The following VPS8 variants were observed in gnomAD, a reference collection of about 807,000 sequenced individuals.
VPS8 encodes VPS8 subunit of CORVET complex.
VPS8 carries 129 observed loss-of-function variants against 216.4 expected under a neutral mutation model. That is an observed-to-expected ratio of 0.60 (90% CI 0.52 to 0.69). The LOEUF (loss-of-function observed/expected upper bound fraction) is 0.69, where lower values mean the gene tolerates loss of function less well. VPS8 is among the 30% of genes least tolerant of loss of function. The pLI, the probability that VPS8 is intolerant of heterozygous loss-of-function variation, is 0.00. For synonymous variants in VPS8, 571 were observed against 565.4 expected, an observed-to-expected ratio of 1.01 and a Z score of -0.14; for missense variants, 1,531 against 1,683.5, an observed-to-expected ratio of 0.91 and a Z score of 1.59.
At chr3:184,921,872 G>A (rs1432514435) in intron 29 of VPS8, among the ~76,000 whole-genome samples, 2 of 152,038 alleles carry the variant, frequency 1.3e-5, no homozygotes, top group African/African-American at 2.4e-5. Flanking sequence ...GCCCTGAGAA[G>A]TTCTGTTTCT....
intron 3 of VPS8, among the ~76,000 whole-genome samples, chr3:184,827,839 ATC>A (rs1016106228): frequency 3.9e-5 from 6 of 152,188 alleles, no homozygotes; most frequent in African/African-American, 1.4e-4. Context: ...CAATATGACT[ATC>A]TCTGTGCTTG....
At chr3:184,848,344 A>T (rs1382691314) in intron 8 of VPS8, among the ~76,000 whole-genome samples, 2 of 152,148 alleles carry the variant, frequency 1.3e-5, no homozygotes, top group African/African-American at 4.8e-5. Context: ...ATTTCAGCCA[A>T]ATTCTAAATT....
intron 45 of VPS8, among the ~76,000 whole-genome samples, chr3:185,005,897 C>G (rs1310515304): frequency 6.6e-6 from 1 of 152,034 alleles, no homozygotes; most frequent in Non-Finnish European, 1.5e-5. Flanking sequence ...ATTTCTTTCT[C>G]TTGTCTGATT....
chr3:184,863,398 A>T (rs1726735735), intron 16 of VPS8, among the ~76,000 whole-genome samples: 1 of 152,232 alleles, frequency 6.6e-6, no homozygotes, highest in Non-Finnish European at 1.5e-5. Context: ...AGAAAGCTTA[A>T]TTTGGCAGTA....
chr3:184,915,478 A>C lies in VPS8; in HGVS notation c.2382+4A>C. 6.2e-7 allele frequency: 1 copy of C among 1,612,850 alleles called. No homozygotes were observed. Among genetic ancestry groups the C allele is most frequent in the South Asian group, 1.1e-5 (1 of 90,996 alleles). On this transcript the variant is annotated splice_donor_region_variant and intron_variant, in intron 28 of 47. Coordinates refer to ENST00000625842, the MANE Select transcript of VPS8 (RefSeq NM_001009921.3). ...ATTTCTAAATGTATTGGCACTGGTA[A>C]GAGACAGTATTATTTTAAGGTGTTT...
chr3:184,866,768 TA>T, intron 16 of VPS8, 107 bp from the exon 17 acceptor site: 5 of 1,011,376 alleles, frequency 4.9e-6, no homozygotes, highest in Non-Finnish European at 2.9e-6. Flanking sequence ...CTATAATCAC[TA>T]AAAAAGACGT....
intron 22 of VPS8, chr3:184,893,409 A>C: frequency 9.8e-7 from 1 of 1,025,298 alleles, no homozygotes; most frequent in Non-Finnish European, 1.2e-6. Flanking sequence ...AATAATCTCA[A>C]CAGGTAAATA....
chr3:184,949,711 C>T (rs1744307310), intron 36 of VPS8, among the ~76,000 whole-genome samples: 1 of 151,982 alleles, frequency 6.6e-6, no homozygotes, highest in Non-Finnish European at 1.5e-5. Context: ...GTAATAATCA[C>T]ATTTAATGTA....
intron 1 of VPS8, chr3:184,817,489 A>G (rs1716590215): frequency 6.6e-6 from 1 of 152,234 alleles, no homozygotes; most frequent in Admixed American, 6.5e-5. Context: ...GTGCATACTA[A>G]CAGGAAACAG....
intron 45 of VPS8, among the ~76,000 whole-genome samples, chr3:185,011,702 G>A (rs946278153): frequency 2.6e-5 from 4 of 152,124 alleles, no homozygotes; most frequent in African/African-American, 7.2e-5. Flanking sequence ...GAGGACTAAG[G>A]GATTTCCCAG....
intron 34 of VPS8, among the ~76,000 whole-genome samples, chr3:184,933,419 C>A (rs1229447561): frequency 6.6e-6 from 1 of 152,044 alleles, no homozygotes; most frequent in Non-Finnish European, 1.5e-5. Flanking sequence ...CTCATACTTA[C>A]TGTTTTGGAA....
At chr3:184,980,162 T>C (rs1749957675) in intron 40 of VPS8, among the ~76,000 whole-genome samples, 1 of 152,182 alleles carries the variant, frequency 6.6e-6, no homozygotes, top group South Asian at 2.1e-4. Flanking sequence ...AAAAGTCCAC[T>C]GTTTGCCCAA....
At chr3:185,023,530 A>C (rs1226044994) in intron 45 of VPS8, among the ~76,000 whole-genome samples, 1 of 152,124 alleles carries the variant, frequency 6.6e-6, no homozygotes, top group Non-Finnish European at 1.5e-5. Flanking sequence ...ATGGTGGCGC[A>C]TACCTGTAAT....
At chr3:184,946,765 T>G (rs1743750528) in intron 36 of VPS8, among the ~76,000 whole-genome samples, 1 of 152,074 alleles carries the variant, frequency 6.6e-6, no homozygotes, top group Admixed American at 6.6e-5. Flanking sequence ...TCCTCCCTCC[T>G]CATCCACACT....
intron 37 of VPS8, among the ~76,000 whole-genome samples, chr3:184,961,085 CTT>C (rs1428594320): frequency 6.6e-6 from 1 of 152,146 alleles, no homozygotes; most frequent in African/African-American, 2.4e-5. Context: ...AGACCAAACT[CTT>C]GTTTGCAGAC....
chr3:184,865,520 A>G (rs925759753), intron 16 of VPS8, among the ~76,000 whole-genome samples: 1 of 152,184 alleles, frequency 6.6e-6, no homozygotes, highest in Non-Finnish European at 1.5e-5. Context: ...TATTAGGGAA[A>G]TGCAAATCAA....
chr3:185,033,365 A>G (rs1255480993), intron 46 of VPS8, among the ~76,000 whole-genome samples: 1 of 152,226 alleles, frequency 6.6e-6, no homozygotes, highest in African/African-American at 2.4e-5. Context: ...CTAGAATGGC[A>G]TGTAATCGCA....
chr3:184,914,518 T>C (rs1398829127), intron 26 of VPS8, among the ~76,000 whole-genome samples: 1 of 152,234 alleles, frequency 6.6e-6, no homozygotes, highest in African/African-American at 2.4e-5. Context: ...CGGTTTGTCC[T>C]GTCGCAGACT....
At position 184,863,016 on chromosome 3, in the gene VPS8, T is replaced by C; in HGVS notation, c.1344T>C (p.Asn448=). The part of the protein sequence containing the change: ...VEISEVQLVY[N]SSHFKSLATG... ...TCTCAGAAGTTCAGCTGGTCTACAA[T>C]AGCAGCCATTTCAAATCACTAGCCA... The change falls in exon 16 of 48, where the codon AAT becomes AAC. Residue 448 remains asparagine, a synonymous_variant. Transcript: ENST00000625842. 1.2e-6 allele frequency: 2 copies of C among 1,612,662 alleles called. No homozygotes were observed. The highest frequency in any genetic ancestry group is 4.5e-5 in the East Asian group (2 of 44,766).
Sources: allele counts gnomAD v4.1 joint callset (sites outside exome capture counted in the v4.1 genomes callset), GRCh38; gene constraint gnomAD v4.1.1; transcripts MANE v1.5; gene names NCBI Gene and HGNC (gene_info 2026-07-23, HGNC 2026-07-21).